Variants in ELL observed in about 807,000 individuals in gnomAD.
The protein encoded by ELL is elongation factor for RNA polymerase II, also known as RNA polymerase II elongation factor ELL.
Under a neutral mutation model 64.0 loss-of-function variants are expected in ELL, and 18 were observed. The observed-to-expected ratio is 0.28, with a 90% CI of 0.19 to 0.42. The LOEUF (loss-of-function observed/expected upper bound fraction) is 0.42, where lower values mean the gene tolerates loss of function less well. Among genes scored for constraint, ELL ranks in the 10% least tolerant of loss-of-function variants. The probability of loss-of-function intolerance (pLI) is 1.00; values close to 1 mark genes in which losing one functional copy is unlikely to be tolerated. For missense variants in ELL, 797 were observed against 870.4 expected (o/e 0.92, Z 1.06); for synonymous variants, 399 against 376.2 (o/e 1.06, Z -0.70).
Position 18,501,784 on chromosome 19 carries a change from A to C in ELL, c.135+20137T>G, listed in dbSNP as rs1975783709. Among the ~76,000 whole-genome samples, 1 of 152,220 alleles carries C rather than the reference A, an allele frequency of 6.6e-6. No individual in the cohort carries two copies. Among genetic ancestry groups the C allele is most frequent in the African/African-American group, 2.4e-5 (1 of 41,452 alleles). ...ATTCGGACTCTCCCACAAATGGTCC[A>C]TCCTTGGGGAGCATCTCCCCCACAT... On this transcript the variant is annotated intron_variant, in intron 1 of 11. Coordinates refer to ENST00000262809, the MANE Select transcript of ELL (RefSeq NM_006532.4). This position sits in a 1 kb window ranked among gnomAD's most constrained non-coding sequence, Gnocchi z 4.5.
At chr19:18,512,582 T>A (rs1976048627) in intron 1 of ELL, among the ~76,000 whole-genome samples, 1 of 152,182 alleles carries the variant, frequency 6.6e-6, no homozygotes, top group Admixed American at 6.5e-5. Flanking sequence ...GAGGTTGCAA[T>A]GAGCCAAAAC....
At chr19:18,519,653 A>C (rs1364180501) in intron 1 of ELL, among the ~76,000 whole-genome samples, 1 of 152,060 alleles carries the variant, frequency 6.6e-6, no homozygotes, top group Non-Finnish European at 1.5e-5. Flanking sequence ...CTAAAAATAC[A>C]AAAATTAGCC....
At chr19:18,458,822 T>G (rs1459885921) in intron 5 of ELL, among the ~76,000 whole-genome samples, 1 of 152,056 alleles carries the variant, frequency 6.6e-6, no homozygotes, top group Non-Finnish European at 1.5e-5. Flanking sequence ...AGATGGGATC[T>G]CGCTATGTTG....
At chr19:18,474,927 A>T (rs1975146170) in intron 1 of ELL, among the ~76,000 whole-genome samples, 1 of 152,240 alleles carries the variant, frequency 6.6e-6, no homozygotes, top group Non-Finnish European at 1.5e-5. Flanking sequence ...GTTCGAGACC[A>T]GTCTGGCCAA....
At position 18,474,548 on chromosome 19, in the gene ELL, T is replaced by G; in HGVS notation, c.136-1666A>C. Among the ~76,000 whole-genome samples the G allele has an allele frequency of 1.3e-5, 2 of 152,140 alleles. 1 individual carries two copies. The highest frequency in any genetic ancestry group is 2.9e-5 in the Non-Finnish European group (2 of 68,012). ...CCCCTCAACAAATACATGGGCCCACTCCACAGCGAGCACGATTCACGGCGC... is the reference window on the plus strand; with the variant it reads ...CCCCTCAACAAATACATGGGCCCACGCCACAGCGAGCACGATTCACGGCGC... On this transcript the variant is annotated intron_variant, in intron 1 of 11. Transcript: ENST00000262809.
rs1975968339 is a variant in ELL at position 18,509,598 on chromosome 19, T to TGCGCGCGCGC, written c.135+12322_135+12323insGCGCGCGCGC. The stretch of plus-strand genomic sequence containing the variant: ...CAATGCACGTGCGCGCGCGCGCACA[T>TGCGCGCGCGC]ACACACACACACACACACACACACA... On this transcript the variant is annotated intron_variant, in intron 1 of 11. Coordinates refer to ENST00000262809, the MANE Select transcript of ELL (RefSeq NM_006532.4). Among the ~76,000 whole-genome samples the TGCGCGCGCGC allele has an allele frequency of 8.1e-4, 66 of 81,872 alleles. 1 individual carries two copies. The highest frequency in any genetic ancestry group is 5.5e-3 in the Middle Eastern group (1 of 182). 53.7% of individuals were successfully genotyped at this position (81,872 alleles called of 152,430 possible).
chr19:18,454,873 GC>G (rs2144901569), intron 6 of ELL, among the ~76,000 whole-genome samples: 1 of 136,494 alleles, frequency 7.3e-6, no homozygotes, highest in Admixed American at 7.6e-5. Flanking sequence ...TCCTGGCTGG[GC>G]ACGGTGGCTC....
intron 1 of ELL, among the ~76,000 whole-genome samples, chr19:18,484,793 C>G (rs1204194785): frequency 6.6e-6 from 1 of 152,170 alleles, no homozygotes; most frequent in Non-Finnish European, 1.5e-5. Flanking sequence ...TAAAACTCAC[C>G]AACAACAGGT....
At chr19:18,460,238 T>C (rs1239425116) in intron 5 of ELL, among the ~76,000 whole-genome samples, 1 of 151,990 alleles carries the variant, frequency 6.6e-6, no homozygotes, top group Non-Finnish European at 1.5e-5. Context: ...GTGAGGCACA[T>C]CCCCCTCCTC....
At position 18,450,539 on chromosome 19, in the gene ELL, G is replaced by A; in HGVS notation, c.1403C>T (p.Ala468Val). 6.2e-7 allele frequency: 1 copy of A among 1,613,260 alleles called. No individual in the cohort carries two copies. The highest frequency in any genetic ancestry group is 2.2e-5 in the East Asian group (1 of 44,854). The change falls in exon 8 of 12, where the codon GCC becomes GTC. Residue 468 changes from alanine (A) to valine (V), a missense_variant. By Grantham distance (64) the Ala-to-Val change is moderately conservative. Transcript: ENST00000262809. ...KERAAEDKPR[A>V]QLPDCAPATH... ...GGCAGGTGCACAGTCTGGAAGCTGG[G>A]CCCGGGGCTTGTCCTCAGCCGCCCT... is the stretch of plus-strand genomic sequence containing the variant.
intron 4 of ELL, 29 bp from the exon 5 acceptor site, chr19:18,461,881 CAG>C (rs986718007): frequency 6.9e-6 from 11 of 1,596,228 alleles, no homozygotes; most frequent in Non-Finnish European, 9.4e-6. Flanking sequence ...CTTTAGGGAA[CAG>C]AGAGGGCGCT....
chr19:18,487,910 T>C (rs996705420), intron 1 of ELL, among the ~76,000 whole-genome samples: 1 of 152,202 alleles, frequency 6.6e-6, no homozygotes, highest in Non-Finnish European at 1.5e-5. Flanking sequence ...CAGGGCCTGC[T>C]CTGCCCCATC....
intron 1 of ELL, among the ~76,000 whole-genome samples, chr19:18,478,865 C>T (rs1002356237): frequency 3.3e-5 from 5 of 152,222 alleles, no homozygotes; most frequent in East Asian, 1.9e-4. Context: ...TAGGCAGCTC[C>T]CCCTCAATGA....
rs187037554 is a variant in ELL, at chr19:18,451,294, G to T, written c.966+258C>A. ...GTGACACAGGAGCAGGAAGCCCAGGGTTGAGCCCACATCAGGGAGCCGCCC... is the reference window on the plus strand; with the variant it reads ...GTGACACAGGAGCAGGAAGCCCAGGTTTGAGCCCACATCAGGGAGCCGCCC... On this transcript the variant is annotated intron_variant, in intron 7 of 11. Coordinates refer to ENST00000262809, the MANE Select transcript of ELL (RefSeq NM_006532.4). Among the ~76,000 whole-genome samples the T allele has an allele frequency of 3.2e-3, 486 of 152,322 alleles. 15 individuals carry two copies. The highest frequency in any genetic ancestry group is 3.8e-4 in the Non-Finnish European group (26 of 68,012).
intron 1 of ELL, among the ~76,000 whole-genome samples, chr19:18,477,346 G>A (rs867956102): frequency 6.6e-6 from 1 of 152,172 alleles, no homozygotes; most frequent in African/African-American, 2.4e-5. Context: ...ACACCACCTC[G>A]GTGACCTGCG....
intron 1 of ELL, among the ~76,000 whole-genome samples, chr19:18,477,326 C>A (rs1975197949): frequency 6.6e-6 from 1 of 152,176 alleles, no homozygotes. Flanking sequence ...AAGAAGCCTA[C>A]AGGAAACGAA....
chr19:18,448,065 C>T (rs1018337336), intron 8 of ELL, among the ~76,000 whole-genome samples: 7 of 151,672 alleles, frequency 4.6e-5, no homozygotes, highest in African/African-American at 1.5e-4. Flanking sequence ...GGATTAAAGG[C>T]ATGAACCACC....
At chr19:18,514,670 C>A (rs1172496515) in intron 1 of ELL, among the ~76,000 whole-genome samples, 1 of 152,172 alleles carries the variant, frequency 6.6e-6, no homozygotes, top group African/African-American at 2.4e-5. Flanking sequence ...AGATTGAAGA[C>A]AACCCTGTCC....
At chr19:18,502,602 A>G (rs1975803161) in intron 1 of ELL, among the ~76,000 whole-genome samples, 1 of 152,208 alleles carries the variant, frequency 6.6e-6, no homozygotes, top group African/African-American at 2.4e-5. Flanking sequence ...GACTTCCCAA[A>G]ATCCCATCTC....
Sources: gnomAD v4.1 joint callset for allele counts (sites outside exome capture counted in the v4.1 genomes callset) on GRCh38, gnomAD v4.1.1 for gene constraint, Gnocchi (gnomAD v3.1) non-coding constraint, MANE v1.5 for transcripts, NCBI Gene and HGNC (gene_info 2026-07-23, HGNC 2026-07-21) for gene names.